Variants in PACS1 observed in about 807,000 individuals in gnomAD.
The protein encoded by PACS1 is phosphofurin acidic cluster sorting protein 1.
In PACS1, 24 loss-of-function variants were observed where a neutral mutation model predicts 115.0. That is an observed-to-expected ratio of 0.21 (90% CI 0.15 to 0.29). The LOEUF (loss-of-function observed/expected upper bound fraction) is 0.29, where lower values mean the gene tolerates loss of function less well. Ranked by LOEUF, PACS1 falls within the 10% of genes least tolerant of loss-of-function variation. The pLI is 1.00. For missense variants in PACS1, 838 were observed against 1,251.2 expected (o/e 0.67, Z 4.98); for synonymous variants, 453 against 504.5 (o/e 0.90, Z 1.37).
At chr11:66,136,817 T>C (rs1858855825) in intron 1 of PACS1, among the ~76,000 whole-genome samples, 1 of 152,146 alleles carries the variant, frequency 6.6e-6, no homozygotes, top group African/African-American at 2.4e-5. Context: ...CCCTAAGTCC[T>C]GATTTAACCA....
rs1565150820 is a variant in PACS1 at position 66,216,271 on chromosome 11, G to C, written c.805+8G>C. On this transcript the variant is annotated splice_region_variant and intron_variant, in intron 5 of 23. Transcript: ENST00000320580. Reference sequence around the variant, plus strand: ...TCAAATCCAAGCTTTCTGGTAAGAAGCATGCAGCATCTGGAGACCCTACGA... The same window carrying C: ...TCAAATCCAAGCTTTCTGGTAAGAACCATGCAGCATCTGGAGACCCTACGA... 6.2e-7 allele frequency: 1 copy of C among 1,613,918 alleles called. No homozygotes were observed. The highest frequency in any genetic ancestry group is 1.3e-5 in the African/African-American group (1 of 75,052).
intron 1 of PACS1, among the ~76,000 whole-genome samples, chr11:66,125,299 A>T (rs1858545857): frequency 6.6e-6 from 1 of 152,138 alleles, no homozygotes. Context: ...GGAAATAAAA[A>T]ATTAAAGTAC....
chr11:66,151,955 G>A (rs1028342054), intron 1 of PACS1, among the ~76,000 whole-genome samples: 5 of 152,194 alleles, frequency 3.3e-5, no homozygotes, highest in East Asian at 1.9e-4. Flanking sequence ...ACTGGAGGCC[G>A]GGTGCAGTGG....
chr11:66,206,548 G>T (rs750937960), intron 2 of PACS1, among the ~76,000 whole-genome samples: 1 of 152,250 alleles, frequency 6.6e-6, no homozygotes, highest in Non-Finnish European at 1.5e-5. Context: ...TTGAAATTCA[G>T]ATAGTGAATT....
At chr11:66,088,230 G>A (rs1490990897) in intron 1 of PACS1, among the ~76,000 whole-genome samples, 1 of 151,584 alleles carries the variant, frequency 6.6e-6, no homozygotes, top group Admixed American at 6.6e-5. Context: ...TCTTTCAGTG[G>A]TGTCTTTCAA....
chr11:66,190,553 AT>A (rs1854493550), intron 1 of PACS1, among the ~76,000 whole-genome samples: 1 of 151,670 alleles, frequency 6.6e-6, no homozygotes, highest in Non-Finnish European at 1.5e-5. Context: ...AGCCTCCCAC[AT>A]TTCTTTTTAT....
intron 1 of PACS1, among the ~76,000 whole-genome samples, chr11:66,074,981 C>T (rs1437630031): frequency 4.5e-5 from 5 of 110,320 alleles, no homozygotes; most frequent in African/African-American, 7.1e-5. Context: ...CTCGCTCTGT[C>T]GCCCAGGCTG....
At chr11:66,114,793 G>A (rs1565112141) in intron 1 of PACS1, among the ~76,000 whole-genome samples, 1 of 152,130 alleles carries the variant, frequency 6.6e-6, no homozygotes, top group Non-Finnish European at 1.5e-5. Context: ...TTAGCATTGT[G>A]TCTTCAGGGC....
In PACS1 at chr11:66,099,138, G is replaced by A. The variant is rs1464188585; in HGVS notation, c.356+28296G>A. Among the ~76,000 whole-genome samples the A allele has an allele frequency of 2.6e-5, 4 of 152,248 alleles. No homozygotes were observed. In the East Asian group the frequency reaches 7.7e-4, roughly 29 times the overall value. On this transcript the variant is annotated intron_variant, in intron 1 of 23. Transcript: ENST00000320580. ...AGCTCACTGCAACCTCCGCCTCCAG[G>A]GCTCAAGCAGTTCTCCTGCCTCAGC...
intron 1 of PACS1, among the ~76,000 whole-genome samples, chr11:66,163,587 C>A (rs749809572): frequency 6.6e-6 from 1 of 152,124 alleles, no homozygotes; most frequent in Non-Finnish European, 1.5e-5. Flanking sequence ...TCCCAGAATT[C>A]TTCTTTACAA....
At chr11:66,185,955 C>CT (rs1403569341) in intron 1 of PACS1, among the ~76,000 whole-genome samples, 1 of 152,060 alleles carries the variant, frequency 6.6e-6, no homozygotes, top group Non-Finnish European at 1.5e-5. Flanking sequence ...GAAGAGGTTT[C>CT]TTTCTTTCTC....
At position 66,244,722 on chromosome 11, in the gene PACS1, T is replaced by A. The variant is rs1855886825; in HGVS notation, c.*1442T>A. The A allele has an allele frequency of 6.6e-6, 1 of 152,334 alleles. No homozygotes were observed. Among genetic ancestry groups the A allele is most frequent in the African/African-American group, 2.4e-5 (1 of 41,442 alleles). 9.4% of individuals were successfully genotyped at this position (152,334 alleles called of 1,614,324 possible). ...AGTTGATGTTGGGTTTTTCATTCAATAAATTGGTGATTTCTTACCGACTGC... is the reference window on the plus strand; with the variant it reads ...AGTTGATGTTGGGTTTTTCATTCAAAAAATTGGTGATTTCTTACCGACTGC... On this transcript the variant is annotated 3_prime_UTR_variant, in exon 24 of 24. Coordinates refer to ENST00000320580, the MANE Select transcript of PACS1 (RefSeq NM_018026.4).
At chr11:66,219,371 C>T (rs1032908678) in intron 7 of PACS1, among the ~76,000 whole-genome samples, 4 of 151,754 alleles carry the variant, frequency 2.6e-5, no homozygotes, top group African/African-American at 9.7e-5. Context: ...TGCGTTCCAC[C>T]GTGGAGGTGG....
At chr11:66,214,032 CAAAAAAAAAAAAAA>C (rs71036278) in intron 4 of PACS1, among the ~76,000 whole-genome samples, 1 of 42,982 alleles carries the variant, frequency 2.3e-5, no homozygotes, top group Admixed American at 3.4e-4. Context: ...GACTCCATCT[CAAAAAAAAAAAAAA>C]AAAAAAAAAA....
rs1857902642 is a variant in PACS1, at chr11:66,100,905, C to G, written c.356+30063C>G. 8.8e-6 allele frequency: 4 copies of G among 456,166 alleles called. 1 individual carries two copies. Among genetic ancestry groups the G allele is most frequent in the Non-Finnish European group, 4.4e-6 (1 of 226,976 alleles). The allele number at this position is 456,166 out of a possible 1,614,324, so 28.3% of individuals were successfully genotyped here. A position where few individuals can be genotyped will look rare whatever the true frequency, so the allele number is the denominator to read the frequency against. On this transcript the variant is annotated intron_variant, in intron 1 of 23. Transcript: ENST00000320580. The stretch of plus-strand genomic sequence containing the variant: ...GTGGCTGGGTTCCAAGGGCAGGCAT[C>G]ACACAAGCAAGAGCGAGCTGGCGGA...
At chr11:66,238,576 C>G in intron 19 of PACS1, 1 of 495,852 alleles carries the variant, frequency 2.0e-6, no homozygotes, top group Non-Finnish European at 3.6e-6. Context: ...TCTCAGCTCA[C>G]TGAAACCTCC....
intron 1 of PACS1, among the ~76,000 whole-genome samples, chr11:66,188,726 T>C (rs1401285970): frequency 6.6e-6 from 1 of 152,132 alleles, no homozygotes. Flanking sequence ...TCACTGAGAC[T>C]ACTTCGTTAC....
At chr11:66,101,857 C>G (rs975021076) in intron 1 of PACS1, among the ~76,000 whole-genome samples, 2 of 152,162 alleles carry the variant, frequency 1.3e-5, no homozygotes, top group Admixed American at 1.3e-4. Context: ...GCATCACTTG[C>G]TGTTAGTGGT....
intron 13 of PACS1, 21 bp from the exon 14 acceptor site, chr11:66,232,151 C>G: frequency 6.5e-7 from 1 of 1,528,432 alleles, no homozygotes; most frequent in Non-Finnish European, 9.1e-7. Flanking sequence ...TAACAAGAGA[C>G]ACTTTCTTTT....
Sources: gnomAD v4.1 joint callset for allele counts (sites outside exome capture counted in the v4.1 genomes callset) on GRCh38, gnomAD v4.1.1 for gene constraint, MANE v1.5 for transcripts, NCBI Gene and HGNC (gene_info 2026-07-23, HGNC 2026-07-21) for gene names.